LTAP1: variants seen among roughly 807,000 people sequenced by gnomAD.
The protein encoded by LTAP1 is HCV NS5A-transactivated protein 4.
chr1:154,208,081 G>C, the LTAP1 span, among the ~76,000 whole-genome samples: 3 of 151,290 alleles, frequency 2.0e-5, no homozygotes, highest in Admixed American at 6.6e-5. Flanking sequence ...CTGGGTGACA[G>C]AGCAAGACTC....
chr1:154,216,844 T>C, the LTAP1 span, among the ~76,000 whole-genome samples: 2 of 151,152 alleles, frequency 1.3e-5, no homozygotes, highest in Non-Finnish European at 3.0e-5. Context: ...AGACAGGGTT[T>C]CCCCATATTG....
At chr1:154,211,578 G>A in the LTAP1 span, among the ~76,000 whole-genome samples, 49 of 142,180 alleles carry the variant, frequency 3.4e-4, no homozygotes, top group Middle Eastern at 4.3e-3. Flanking sequence ...CTCATGATTC[G>A]CCTGCCTCGG....
the LTAP1 span, chr1:154,207,439 G>A: frequency 1.2e-6 from 2 of 1,613,276 alleles, no homozygotes; most frequent in Non-Finnish European, 1.7e-6. Context: ...TACGGCAAGA[G>A]TCCTTCAGCT....
chr1:154,212,698 T>C, the LTAP1 span: 3 of 1,548,300 alleles, frequency 1.9e-6, no homozygotes, highest in Non-Finnish European at 2.6e-6. Context: ...TCTCGCTCTG[T>C]CACCCGGGCT....
chr1:154,212,725 G>A, the LTAP1 span: 1 of 1,354,538 alleles, frequency 7.4e-7, no homozygotes, highest in South Asian at 1.3e-5. Flanking sequence ...CAGTGGCAGT[G>A]ATCTTGGCTC....
the LTAP1 span, chr1:154,213,785 C>T: frequency 1.2e-6 from 1 of 829,612 alleles, no homozygotes; most frequent in Non-Finnish European, 1.9e-6. Context: ...TCCTACTAGC[C>T]AGGGATGTGC....
chr1:154,215,305 G>A, the LTAP1 span, among the ~76,000 whole-genome samples: 1 of 151,852 alleles, frequency 6.6e-6, no homozygotes, highest in South Asian at 2.1e-4. Flanking sequence ...TGTGGCTCAC[G>A]CCTGTAATCC....
the LTAP1 span, chr1:154,208,474 C>T: frequency 2.0e-5 from 3 of 152,356 alleles, no homozygotes; most frequent in African/African-American, 4.8e-5. Flanking sequence ...GGTACCCTGA[C>T]ACACACCTAC....
the LTAP1 span, among the ~76,000 whole-genome samples, chr1:154,212,950 G>A: frequency 6.6e-6 from 1 of 152,108 alleles, no homozygotes; most frequent in Non-Finnish European, 1.5e-5. Flanking sequence ...TGGGATTACA[G>A]GCATGAGCCA....
the LTAP1 span, chr1:154,220,265 G>A: frequency 3.2e-6 from 5 of 1,542,054 alleles, no homozygotes; most frequent in South Asian, 1.1e-5. Flanking sequence ...GGAGAATGCA[G>A]ACGGGGTACA....
At chr1:154,219,461 T>C in the LTAP1 span, among the ~76,000 whole-genome samples, 1 of 152,222 alleles carries the variant, frequency 6.6e-6, no homozygotes, top group Non-Finnish European at 1.5e-5. Context: ...TCTAAAATTA[T>C]GTAAAGGTAA....
At chr1:154,220,471 C>A in the LTAP1 span, 1 of 1,602,356 alleles carries the variant, frequency 6.2e-7, no homozygotes, top group Non-Finnish European at 8.6e-7. Context: ...TCAGCCCAGG[C>A]TCCGCCGAAG....
chr1:154,210,540 C>T, the LTAP1 span, among the ~76,000 whole-genome samples: 2 of 152,134 alleles, frequency 1.3e-5, no homozygotes, highest in South Asian at 2.1e-4. Flanking sequence ...TGGAATGGCA[C>T]GATCTTGGCT....
At chr1:154,211,442 T>G in the LTAP1 span, among the ~76,000 whole-genome samples, 1 of 140,200 alleles carries the variant, frequency 7.1e-6, no homozygotes, top group South Asian at 2.4e-4. Context: ...GGTCAAGCGA[T>G]TCTCCTGCCT....
the LTAP1 span, among the ~76,000 whole-genome samples, chr1:154,209,986 A>G: frequency 1.3e-5 from 2 of 151,922 alleles, no homozygotes; most frequent in Non-Finnish European, 2.9e-5. Context: ...TCAGCCTCCC[A>G]AAGTGTTGGG....
the LTAP1 span, chr1:154,211,819 T>A: frequency 6.5e-6 from 1 of 154,308 alleles, no homozygotes. Context: ...TAGTAAAAAC[T>A]TCTTTTACTA....
At chr1:154,212,129 T>A in the LTAP1 span, 2 of 642,520 alleles carry the variant, frequency 3.1e-6, no homozygotes, top group Non-Finnish European at 5.5e-6. Context: ...AGTGCTGGGA[T>A]TATAGGCGTG....
chr1:154,211,053 C>CTGAA, the LTAP1 span, among the ~76,000 whole-genome samples: 1 of 151,740 alleles, frequency 6.6e-6, no homozygotes, highest in Non-Finnish European at 1.5e-5. Flanking sequence ...GTCACCCCAG[C>CTGAA]TGAAGTGCAA....
chr1:154,211,071 A>G, the LTAP1 span, among the ~76,000 whole-genome samples: 9 of 151,878 alleles, frequency 5.9e-5, no homozygotes, highest in African/African-American at 1.2e-4. Context: ...CAATGGCATG[A>G]TATCGGCTCA....
Sources: gnomAD v4.1 joint callset for allele counts (sites outside exome capture counted in the v4.1 genomes callset) on GRCh38, gnomAD v4.1.1 for gene constraint, MANE v1.5 for transcripts, NCBI Gene and HGNC (gene_info 2026-07-23, HGNC 2026-07-21) for gene names.